Variants in OTOG observed in about 807,000 individuals in gnomAD.
The protein encoded by OTOG is otogelin.
In OTOG, 296 loss-of-function variants were observed where a neutral mutation model predicts 313.8. That is an observed-to-expected ratio of 0.94 (90% CI 0.86 to 1.04). OTOG has a LOEUF of 1.04. OTOG is among the 50% of genes least tolerant of loss of function. OTOG has a pLI of 0.00. For missense variants in OTOG, 3,948 were observed against 3,840.1 expected, an observed-to-expected ratio of 1.03 and a Z score of -0.74; for synonymous variants, 1,533 against 1,554.9, an observed-to-expected ratio of 0.99 and a Z score of 0.33.
At chr11:17,631,418 A>G (rs148499127) in intron 40 of OTOG, among the ~76,000 whole-genome samples, 66 of 151,268 alleles carry the variant, frequency 4.4e-4, no homozygotes, top group Non-Finnish European at 8.2e-4. Flanking sequence ...TTATATGCAC[A>G]TGCAATACAT....
At chr11:17,563,161 G>A (rs1283093270) in intron 15 of OTOG, among the ~76,000 whole-genome samples, 1 of 152,268 alleles carries the variant, frequency 6.6e-6, no homozygotes, top group Non-Finnish European at 1.5e-5. Flanking sequence ...GTCTGGGGTA[G>A]ATGGGGGTTT....
Position 17,561,151 on chromosome 11 carries a change from C to G in OTOG, c.1498+14C>G, listed in dbSNP as rs1433902527. The G allele has an allele frequency of 5.7e-5, 89 of 1,550,496 alleles. No homozygotes were observed. The East Asian group carries it at 2.2e-3, about 37-fold the overall frequency. On this transcript the variant is annotated intron_variant, in intron 14 of 55. Coordinates refer to ENST00000399397, the MANE Select transcript of OTOG (RefSeq NM_001292063.2). The stretch of plus-strand genomic sequence containing the variant: ...CTGTCTGCCCAGGTATGTCTGCCCC[C>G]CACCTTGCACTAGGATCCCTTCTAC...
intron 40 of OTOG, among the ~76,000 whole-genome samples, chr11:17,629,809 C>T (rs1854073229): frequency 6.6e-6 from 1 of 152,196 alleles, no homozygotes; most frequent in African/African-American, 2.4e-5. Context: ...AGCACAATTG[C>T]AGAGCATGCC....
chr11:17,586,868 G>A (rs1852805835), intron 24 of OTOG, among the ~76,000 whole-genome samples: 2 of 152,210 alleles, frequency 1.3e-5, no homozygotes, highest in South Asian at 2.1e-4. Context: ...ATGAACATAT[G>A]AGTGTGAGTG....
chr11:17,590,711 G>C (rs1045701043), intron 24 of OTOG, among the ~76,000 whole-genome samples: 1 of 152,060 alleles, frequency 6.6e-6, no homozygotes, highest in Non-Finnish European at 1.5e-5. Context: ...ACCGTCCGTC[G>C]CCCCTCTGAA....
At chr11:17,612,055 C>A in intron 36 of OTOG, 107 bp from the exon 37 acceptor site, 1 of 1,351,586 alleles carries the variant, frequency 7.4e-7, no homozygotes, top group Non-Finnish European at 1.0e-6. Context: ...AGAAGGTCCC[C>A]TGCCCCGCTA....
Position 17,609,771 on chromosome 11 carries a change from A to G in OTOG, c.4471A>G (p.Arg1491Gly). 2 of 1,548,796 alleles carry G rather than the reference A, an allele frequency of 1.3e-6. No individual in the cohort carries two copies. Among genetic ancestry groups the G allele is most frequent in the Non-Finnish European group, 1.7e-6 (2 of 1,146,066 alleles). Reference protein sequence around the residue: ...EEPQLSQESPRTPTHRPALTP... With the variant: ...EEPQLSQESPGTPTHRPALTP... ...GCCACAGCTGTCACAGGAAAGCCCC[A>G]GGACCCCCACCCACAGGCCAGCCCT... The change falls in exon 36 of 56, where the codon AGG (arginine) becomes GGG (glycine). Residue 1491 changes from arginine (R) to glycine (G), a missense_variant. Transcript: ENST00000399397.
Position 17,609,229 on chromosome 11 carries a change from C to G in OTOG, c.4354+20C>G, listed in dbSNP as rs1853464497. 1.9e-6 allele frequency: 3 copies of G among 1,544,224 alleles called. No individual in the cohort carries two copies. Among genetic ancestry groups the G allele is most frequent in the Non-Finnish European group, 2.6e-6 (3 of 1,141,216 alleles). ...AGGACTGTAAGTGGCCCAGACTTCT[C>G]ATCCTTCCCTCAGATTTCCTCTAAG... On this transcript the variant is annotated intron_variant, in intron 35 of 55. Transcript: ENST00000399397.
At chr11:17,550,188 C>T (rs1470915047) in intron 3 of OTOG, among the ~76,000 whole-genome samples, 1 of 152,178 alleles carries the variant, frequency 6.6e-6, no homozygotes, top group East Asian at 1.9e-4. Context: ...TTTCCTACCA[C>T]TTATAGATGT....
At chr11:17,592,626 G>A (rs982379785) in intron 25 of OTOG, among the ~76,000 whole-genome samples, 5 of 152,028 alleles carry the variant, frequency 3.3e-5, no homozygotes, top group African/African-American at 7.3e-5. Context: ...AGGATACCTC[G>A]GACTTGATTT....
chr11:17,578,791 G>A (rs574166043), intron 23 of OTOG, among the ~76,000 whole-genome samples: 84 of 143,798 alleles, frequency 5.8e-4, no homozygotes, highest in African/African-American at 2.2e-3. Flanking sequence ...ACCTTAACAG[G>A]CTACTGTGAG....
intron 49 of OTOG, among the ~76,000 whole-genome samples, chr11:17,640,381 T>A (rs1297875032): frequency 2.0e-5 from 3 of 152,204 alleles, no homozygotes; most frequent in East Asian, 3.8e-4. Flanking sequence ...TGTGAAGTCG[T>A]GTTTACAGTC....
At position 17,574,828 on chromosome 11, in the gene OTOG, A is replaced by G. The variant is rs185940730; in HGVS notation, c.2402A>G (p.Asp801Gly). 54 of 1,550,234 alleles carry G rather than the reference A, an allele frequency of 3.5e-5. No individual in the cohort carries two copies. In the East Asian group the frequency reaches 1.3e-3, roughly 37 times the overall value. Reference protein sequence around the residue: ...PEACGVDGGDDLSRDECVEGC... With the variant: ...PEACGVDGGDGLSRDECVEGC... ...GCCTGTGGGGTTGATGGTGGCGATG[A>G]CCTGAGCAGAGACGAGTGTGTGGAG... The change falls in exon 20 of 56, where the codon GAC becomes GGC. Residue 801 changes from aspartate (D) to glycine (G), a missense_variant. By Grantham distance (94) the Asp-to-Gly change is moderately conservative. Coordinates refer to ENST00000399397, the MANE Select transcript of OTOG (RefSeq NM_001292063.2).
intron 54 of OTOG, among the ~76,000 whole-genome samples, chr11:17,644,979 A>G (rs940676582): frequency 1.3e-5 from 2 of 152,194 alleles, no homozygotes; most frequent in Non-Finnish European, 2.9e-5. Flanking sequence ...GTTGTCTGTG[A>G]GAGGCATGGT....
In OTOG at chr11:17,548,200, C is replaced by G; in HGVS notation, c.204C>G (p.Val68=). The change falls in exon 3 of 56, where the codon GTC becomes GTG. Residue 68 remains valine, a synonymous_variant. Coordinates refer to ENST00000399397, the MANE Select transcript of OTOG (RefSeq NM_001292063.2). ...ATLAMGDKAT[V]VGGQQAEAPD... is the part of the protein sequence containing the mutation. ...TTGCCATGGGGGACAAGGCTACAGT[C>G]GTGGGAGGCCAGGTAAGGGAGGTCT... 3 of 1,546,640 alleles carry G rather than the reference C, an allele frequency of 1.9e-6. No homozygotes were observed. The highest frequency in any genetic ancestry group is 2.6e-6 in the Non-Finnish European group (3 of 1,144,798).
chr11:17,615,545 G>A (rs1452394100), intron 39 of OTOG, among the ~76,000 whole-genome samples: 1 of 152,056 alleles, frequency 6.6e-6, no homozygotes, highest in Non-Finnish European at 1.5e-5. Flanking sequence ...ATGAGTTGAG[G>A]TACATTTTTC....
intron 17 of OTOG, among the ~76,000 whole-genome samples, chr11:17,570,840 G>A (rs578009169): frequency 2.5e-4 from 38 of 152,280 alleles, no homozygotes; most frequent in African/African-American, 9.1e-4. Flanking sequence ...CCCCTAGTGA[G>A]CCAAGAACAC....
chr11:17,632,227 G>T lies in OTOG; in HGVS notation c.7072+1G>T. The T allele has an allele frequency of 6.5e-7, 1 of 1,548,888 alleles. No individual in the cohort carries two copies. The highest frequency in any genetic ancestry group is 8.7e-7 in the Non-Finnish European group (1 of 1,145,532). On this transcript the variant is annotated splice_donor_variant, in intron 42 of 55. Coordinates refer to ENST00000399397, the MANE Select transcript of OTOG (RefSeq NM_001292063.2). LOFTEE classifies it high-confidence loss of function. Reference sequence around the variant, plus strand: ...GAGTGGCGGCGCTCTGACTACTGCCGTGAGTTTGCGGGGCAGGGGGACCCT... The same window carrying T: ...GAGTGGCGGCGCTCTGACTACTGCCTTGAGTTTGCGGGGCAGGGGGACCCT...
intron 23 of OTOG, among the ~76,000 whole-genome samples, chr11:17,580,191 T>C (rs1852634359): frequency 1.3e-5 from 2 of 152,220 alleles, no homozygotes. Context: ...TGTGCCTCCA[T>C]ATTTCTTTGA....
Sources: gnomAD v4.1 joint callset for allele counts (sites outside exome capture counted in the v4.1 genomes callset) on GRCh38, gnomAD v4.1.1 for gene constraint, MANE v1.5 for transcripts, NCBI Gene and HGNC (gene_info 2026-07-23, HGNC 2026-07-21) for gene names.